The following SPMAP2 variants were observed in gnomAD, a reference collection of about 807,000 sequenced individuals.
SPMAP2 encodes the protein Theg homolog.
At chr19:371,402 G>C in the SPMAP2 span, 1 of 600,010 alleles carries the variant, frequency 1.7e-6, no homozygotes, top group Non-Finnish European at 2.7e-6. Flanking sequence ...GTGTGTGTGT[G>C]TGTATGTGTC....
chr19:364,884 C>G, the SPMAP2 span, among the ~76,000 whole-genome samples: 5,289 of 152,268 alleles, frequency 0.035, 295 homozygotes, highest in African/African-American at 0.12. Context: ...TACCTTGTCT[C>G]TGAAGGCTTC....
At chr19:366,774 T>G in the SPMAP2 span, among the ~76,000 whole-genome samples, 9,886 of 152,226 alleles carry the variant, frequency 0.065, 508 homozygotes, top group African/African-American at 0.13. Context: ...TCAACTTGTT[T>G]TAAAAGACAG....
the SPMAP2 span, chr19:366,917 C>T: frequency 5.3e-6 from 5 of 936,628 alleles, no homozygotes; most frequent in African/African-American, 5.2e-5. Context: ...AGACAACACC[C>T]TCTGCTTCCG....
At chr19:366,986 G>A in the SPMAP2 span, 6,985 of 1,457,910 alleles carry the variant, frequency 4.8e-3, 270 homozygotes, top group African/African-American at 0.087. Context: ...CCCTCTGCCC[G>A]CTCTAGGCAG....
chr19:362,467 C>A, the SPMAP2 span: 2 of 1,490,542 alleles, frequency 1.3e-6, no homozygotes, highest in Non-Finnish European at 1.8e-6. Context: ...GAAGCTCAAA[C>A]CTCAAAGCTC....
the SPMAP2 span, among the ~76,000 whole-genome samples, chr19:364,318 C>G: frequency 1.7e-5 from 2 of 114,434 alleles, no homozygotes; most frequent in Non-Finnish European, 3.3e-5. Flanking sequence ...GCCTGGGTGA[C>G]AGAGCGAAGC....
At chr19:375,778 GA>G in the SPMAP2 span, 1 of 1,610,032 alleles carries the variant, frequency 6.2e-7, no homozygotes, top group South Asian at 1.1e-5. Flanking sequence ...TCCTCGGGGG[GA>G]AGCTCCTCTT....
the SPMAP2 span, chr19:375,589 G>A: frequency 3.5e-6 from 5 of 1,417,768 alleles, no homozygotes; most frequent in Non-Finnish European, 3.8e-6. Context: ...CCAGGGGGCT[G>A]CTGCCCTCCC....
At chr19:376,005 C>T in the SPMAP2 span, 1 of 1,387,144 alleles carries the variant, frequency 7.2e-7, no homozygotes. Flanking sequence ...CGGCCTCACT[C>T]TCCCGGCACC....
the SPMAP2 span, among the ~76,000 whole-genome samples, chr19:372,228 C>T: frequency 6.6e-6 from 1 of 152,354 alleles, no homozygotes; most frequent in East Asian, 1.9e-4. Context: ...TCACTTTTAA[C>T]AAGCACAGGG....
At chr19:368,727 G>A in the SPMAP2 span, among the ~76,000 whole-genome samples, 2 of 152,172 alleles carry the variant, frequency 1.3e-5, no homozygotes, top group African/African-American at 4.8e-5. The surrounding 1 kb of genome is among the most constrained non-coding windows in gnomAD (Gnocchi z 4.1). Flanking sequence ...AAAAATCACA[G>A]ACACATCTCT....
At chr19:375,551 G>C in the SPMAP2 span, 1 of 1,159,882 alleles carries the variant, frequency 8.6e-7, no homozygotes, top group South Asian at 1.8e-5. Context: ...GAGCCAGGCC[G>C]GTGGCCGGTT....
chr19:375,752 C>G, the SPMAP2 span: 2 of 1,610,186 alleles, frequency 1.2e-6, no homozygotes, highest in Non-Finnish European at 1.7e-6. Flanking sequence ...TCTCCGGGAA[C>G]TCCTCCCCGG....
chr19:363,693 C>G, the SPMAP2 span, among the ~76,000 whole-genome samples: 3 of 147,566 alleles, frequency 2.0e-5, no homozygotes, highest in African/African-American at 7.5e-5. Flanking sequence ...GCCACCACGC[C>G]CGACTAATTT....
chr19:375,573 G>A, the SPMAP2 span: 144 of 1,339,298 alleles, frequency 1.1e-4, 1 homozygote, highest in Middle Eastern at 2.0e-4. Context: ...CGACCCTTTC[G>A]CCCGCCCAGG....
the SPMAP2 span, among the ~76,000 whole-genome samples, chr19:370,547 T>G: frequency 6.6e-6 from 1 of 151,726 alleles, no homozygotes; most frequent in Non-Finnish European, 1.5e-5. Flanking sequence ...AGACAGGGTT[T>G]CACCATGTTA....
At chr19:366,349 C>T in the SPMAP2 span, among the ~76,000 whole-genome samples, 1 of 152,086 alleles carries the variant, frequency 6.6e-6, no homozygotes, top group Non-Finnish European at 1.5e-5. Context: ...TTGTGGTGAG[C>T]GTGAGTGCGT....
chr19:366,298 G>A, the SPMAP2 span, among the ~76,000 whole-genome samples: 1 of 152,126 alleles, frequency 6.6e-6, no homozygotes, highest in Non-Finnish European at 1.5e-5. Context: ...CCATGCATGT[G>A]TGTACCAGTG....
At chr19:373,990 C>T in the SPMAP2 span, 142 of 1,613,680 alleles carry the variant, frequency 8.8e-5, 1 homozygote, top group African/African-American at 1.8e-3. Flanking sequence ...TCCAGGCATA[C>T]CCCTTACCAC....
Sources: allele counts gnomAD v4.1 joint callset (sites outside exome capture counted in the v4.1 genomes callset), GRCh38; gene constraint gnomAD v4.1.1; non-coding constraint Gnocchi (gnomAD v3.1); transcripts MANE v1.5; gene names NCBI Gene and HGNC (gene_info 2026-07-23, HGNC 2026-07-21).